The following TRPC4 variants were observed in gnomAD, a reference collection of about 807,000 sequenced individuals.
The protein encoded by TRPC4 is transient receptor potential cation channel subfamily C member 4.
Under a neutral mutation model 99.4 loss-of-function variants are expected in TRPC4, and 49 were observed. The ratio of observed to expected loss-of-function variants is 0.49; its 90% CI spans 0.39 to 0.63. The LOEUF is 0.63. Among genes scored for constraint, TRPC4 ranks in the 20% least tolerant of loss-of-function variants. The pLI is 0.00. For missense variants in TRPC4, 898 were observed against 1,152.9 expected (o/e 0.78, Z 3.20); for synonymous variants, 454 against 425.9 (o/e 1.07, Z -0.81).
chr13:37,688,246 C>T (rs1012517194), intron 4 of TRPC4, among the ~76,000 whole-genome samples: 1 of 152,028 alleles, frequency 6.6e-6, no homozygotes, highest in East Asian at 1.9e-4. Context: ...GATAGAAGAG[C>T]GATTATGAAC....
rs148418757 is a variant in TRPC4, at chr13:37,699,252, G to T, written c.898-6917C>A. Among the ~76,000 whole-genome samples the T allele has an allele frequency of 2.1e-3, 325 of 152,002 alleles. 1 individual carries two copies. Among genetic ancestry groups the T allele is most frequent in the African/African-American group, 7.6e-3 (314 of 41,446 alleles). The stretch of plus-strand genomic sequence containing the variant: ...ATAGTATATGTTCAATAAATATTAG[G>T]TATCACCATTATTGCATATAAACAC... On this transcript the variant is annotated intron_variant, in intron 3 of 10. Transcript: ENST00000379705.
chr13:37,723,185 A>G (rs1194143953), intron 3 of TRPC4, among the ~76,000 whole-genome samples: 1 of 152,310 alleles, frequency 6.6e-6, no homozygotes, highest in East Asian at 1.9e-4. Context: ...TAAAAAAGGG[A>G]GATATTTTAA....
chr13:37,778,942 T>G (rs989372439), intron 2 of TRPC4, among the ~76,000 whole-genome samples: 1 of 152,042 alleles, frequency 6.6e-6, no homozygotes, highest in East Asian at 1.9e-4. Flanking sequence ...GTTGCTAGAC[T>G]GGCAGCATTA....
At chr13:37,844,681 C>T (rs1048490184) in intron 1 of TRPC4, among the ~76,000 whole-genome samples, 1 of 152,012 alleles carries the variant, frequency 6.6e-6, no homozygotes, top group Non-Finnish European at 1.5e-5. Context: ...AGGTGAGAGG[C>T]AAATGCAGGT....
At chr13:37,732,957 T>C (rs1955284966) in intron 3 of TRPC4, among the ~76,000 whole-genome samples, 1 of 152,136 alleles carries the variant, frequency 6.6e-6, no homozygotes. Context: ...GTAAAATTCA[T>C]AGGAAATGAA....
chr13:37,662,855 T>C (rs1450756272), intron 6 of TRPC4, among the ~76,000 whole-genome samples: 4 of 152,226 alleles, frequency 2.6e-5, no homozygotes, highest in African/African-American at 9.6e-5. Context: ...CAATAGACAC[T>C]GTCTATTGCT....
intron 3 of TRPC4, among the ~76,000 whole-genome samples, chr13:37,732,543 G>A (rs1199347433): frequency 6.6e-6 from 1 of 152,054 alleles, no homozygotes; most frequent in Non-Finnish European, 1.5e-5. Context: ...GTTCAACGAC[G>A]ACATGTCTTA....
In TRPC4 at chr13:37,663,457, G is replaced by A; in HGVS notation, c.1647C>T (p.Cys549=). The A allele has an allele frequency of 6.2e-7, 1 of 1,614,002 alleles. No homozygotes were observed. The highest frequency in any genetic ancestry group is 1.1e-5 in the South Asian group (1 of 91,066). The change falls in exon 6 of 11, where the codon TGC becomes TGT. Residue 549 remains cysteine, a synonymous_variant. Coordinates refer to ENST00000379705, the MANE Select transcript of TRPC4 (RefSeq NM_016179.4). ...FYYEETKGLT[C]KGIRCEKQNN... is the part of the protein sequence containing the mutation. Reference sequence around the variant, plus strand: ...TCTGCTTTTCACATCTTATGCCTTTGCAGGTTAACCCTTTCGTTTCTTCAT... The same window carrying A: ...TCTGCTTTTCACATCTTATGCCTTTACAGGTTAACCCTTTCGTTTCTTCAT...
At chr13:37,839,389 A>G in intron 1 of TRPC4, among the ~76,000 whole-genome samples, 1 of 152,284 alleles carries the variant, frequency 6.6e-6, no homozygotes, top group East Asian at 1.9e-4. Context: ...AGTCAAGGAC[A>G]TTACTTGTTT....
intron 3 of TRPC4, among the ~76,000 whole-genome samples, chr13:37,702,972 GA>G (rs939822590): frequency 3.3e-5 from 5 of 151,674 alleles, no homozygotes; most frequent in African/African-American, 9.7e-5. Context: ...GCAATGGGAT[GA>G]AAAAAAATTG....
chr13:37,663,001 C>T lies in TRPC4; in HGVS notation c.1688+415G>A, dbSNP rs192937698. 4.2e-3 allele frequency among the ~76,000 whole-genome samples: 634 copies of T among 152,230 alleles called. 2 individuals are homozygous for T. Among genetic ancestry groups the T allele is most frequent in the African/African-American group, 0.014 (599 of 41,538 alleles). ...CTAGAGAATGAAAGAGATACATAAACGGACTTTAGTACCTGGAAAACACAT... is the reference window on the plus strand; with the variant it reads ...CTAGAGAATGAAAGAGATACATAAATGGACTTTAGTACCTGGAAAACACAT... On this transcript the variant is annotated intron_variant, in intron 6 of 10. Transcript: ENST00000379705.
chr13:37,731,368 T>C (rs17203175), intron 3 of TRPC4, among the ~76,000 whole-genome samples: 14,925 of 152,058 alleles, frequency 0.098, 839 homozygotes, highest in Admixed American at 0.17. Context: ...GAGATATTAA[T>C]AATTTTTTCT....
intron 6 of TRPC4, among the ~76,000 whole-genome samples, chr13:37,658,025 A>G (rs1952299570): frequency 6.6e-6 from 1 of 152,170 alleles, no homozygotes; most frequent in South Asian, 2.1e-4. Context: ...TTAAAAAATC[A>G]GTCTAAGTTA....
intron 1 of TRPC4, among the ~76,000 whole-genome samples, chr13:37,845,861 C>T (rs78507947): frequency 0.025 from 3,748 of 152,164 alleles, 84 homozygotes; most frequent in East Asian, 0.13. Flanking sequence ...GAGGACATCA[C>T]CAAGATACAT....
At position 37,692,391 on chromosome 13, in the gene TRPC4, C is replaced by T; in HGVS notation, c.898-56G>A. On this transcript the variant is annotated intron_variant, in intron 3 of 10. Transcript: ENST00000379705. Reference sequence around the variant, plus strand: ...AAGTCACAGTTACATGGAGTGGCCTCAATTCATCAATAAGAACACAATTGT... The same window carrying T: ...AAGTCACAGTTACATGGAGTGGCCTTAATTCATCAATAAGAACACAATTGT... 4 of 1,402,880 alleles carry T rather than the reference C, an allele frequency of 2.9e-6. No individual in the cohort carries two copies. The South Asian group carries it at 4.1e-5, about 14-fold the overall frequency. 86.9% of individuals were successfully genotyped at this position (1,402,880 alleles called of 1,614,324 possible). A position where few individuals can be genotyped will look rare whatever the true frequency, so the allele number is the denominator to read the frequency against.
chr13:37,797,799 G>C (rs1159112036), intron 1 of TRPC4, among the ~76,000 whole-genome samples: 1 of 152,076 alleles, frequency 6.6e-6, no homozygotes, highest in Non-Finnish European at 1.5e-5. Context: ...TAGACTTTTT[G>C]GGCAAAGGAA....
chr13:37,788,806 C>A (rs1957035123), intron 1 of TRPC4, among the ~76,000 whole-genome samples: 1 of 152,114 alleles, frequency 6.6e-6, no homozygotes, highest in Non-Finnish European at 1.5e-5. Context: ...CCACACATCT[C>A]CCTTAAGATC....
chr13:37,663,680 A>G lies in TRPC4; in HGVS notation c.1424T>C (p.Leu475Pro). The G allele has an allele frequency of 6.2e-7, 1 of 1,614,180 alleles. No individual in the cohort carries two copies. Among genetic ancestry groups the G allele is most frequent in the East Asian group, 2.2e-5 (1 of 44,876 alleles). Reference protein sequence around the residue: ...RESWDMWHPTLVAEALFAIAN... With the variant: ...RESWDMWHPTPVAEALFAIAN... ...AATAGCAAATAAAGCCTCTGCCACC[A>G]GAGTGGGATGCCACATGTCCCATGA... Residue 475 changes from leucine to proline, a missense_variant, in exon 6 of 11, where the codon CTG becomes CCG. Leu to Pro is a moderately conservative substitution (Grantham distance 98). This residue lies in a region of TRPC4 where 274 missense variants were observed against 454.9 expected (regional missense o/e 0.60). Coordinates refer to ENST00000379705, the MANE Select transcript of TRPC4 (RefSeq NM_016179.4).
At chr13:37,707,304 T>C (rs1954315568) in intron 3 of TRPC4, among the ~76,000 whole-genome samples, 1 of 152,292 alleles carries the variant, frequency 6.6e-6, no homozygotes, top group Non-Finnish European at 1.5e-5. Flanking sequence ...ATGAATAGAC[T>C]AAAGCAACTT....
Sources: allele counts gnomAD v4.1 joint callset (sites outside exome capture counted in the v4.1 genomes callset), GRCh38; gene constraint gnomAD v4.1.1; regional missense constraint gnomAD v4.1.1; transcripts MANE v1.5; gene names NCBI Gene and HGNC (gene_info 2026-07-23, HGNC 2026-07-21).